Variants in DNAJC19 observed in about 807,000 individuals in gnomAD.
DNAJC19 encodes mitochondrial import inner membrane translocase subunit TIM14.
Under a neutral mutation model 19.8 loss-of-function variants are expected in DNAJC19, and 15 were observed. That is an observed-to-expected ratio of 0.76 (90% CI 0.51 to 1.17). The LOEUF (loss-of-function observed/expected upper bound fraction) is 1.17, where lower values mean the gene tolerates loss of function less well. Among genes scored for constraint, DNAJC19 ranks in the 50% most tolerant of loss-of-function variants. The pLI is 0.00. For missense variants in DNAJC19, 105 were observed against 140.9 expected, an observed-to-expected ratio of 0.75 and a Z score of 1.29; for synonymous variants, 38 against 42.1, an observed-to-expected ratio of 0.90 and a Z score of 0.38.
In DNAJC19 at chr3:180,988,071, C is replaced by T; in HGVS notation, c.81G>A (p.Lys27=). ...CTTGTTTTACTTGAGGCTCCATATG[C>T]TTCATGGCTTGCAAAACGTAACGGC... ...FAGRYVLQAM[K]HMEPQVKQVF... is the part of the protein sequence containing the mutation. The change falls in exon 3 of 6, where the codon AAG becomes AAA. Residue 27 remains lysine, a synonymous_variant. Transcript: ENST00000382564. The T allele has an allele frequency of 6.2e-7, 1 of 1,614,176 alleles. No homozygotes were observed. The highest frequency in any genetic ancestry group is 8.5e-7 in the Non-Finnish European group (1 of 1,180,026).
chr3:180,989,421 A>C (rs1577026793), intron 1 of DNAJC19, 179 bp downstream of exon 1: 1 of 1,449,738 alleles, frequency 6.9e-7, no homozygotes, highest in Non-Finnish European at 9.1e-7. Context: ...AAAAACACAA[A>C]CCCCCAAGAG....
At chr3:180,988,982 TA>T (rs1715073459) in intron 1 of DNAJC19, among the ~76,000 whole-genome samples, 1 of 146,172 alleles carries the variant, frequency 6.8e-6, no homozygotes. Context: ...CACTCCAGCC[TA>T]GGCGACCGAG....
Position 180,984,227 on chromosome 3 carries a change from A to G in DNAJC19, c.*413T>C, listed in dbSNP as rs1481684898. On this transcript the variant is annotated 3_prime_UTR_variant, in exon 6 of 6. Transcript: ENST00000382564. ...GTACCTGGAACAGCCTTTCCACCGA[A>G]TAAGAAGAGTCCCTACTTAAACAGC... The G allele has an allele frequency of 2.2e-6, 1 of 454,022 alleles. No homozygotes were observed. Among genetic ancestry groups the G allele is most frequent in the African/African-American group, 2.0e-5 (1 of 49,994 alleles). The allele number at this position is 454,022 out of a possible 1,614,324, so 28.1% of individuals were successfully genotyped here. A position where few individuals can be genotyped will look rare whatever the true frequency, so the allele number is the denominator to read the frequency against.
chr3:180,989,242 T>C (rs1192890812), intron 1 of DNAJC19: 10 of 1,079,568 alleles, frequency 9.3e-6, no homozygotes, highest in Non-Finnish European at 1.2e-5. Flanking sequence ...CATAGCAAAG[T>C]GGAGCTAGTG....
chr3:180,986,910 G>T, intron 4 of DNAJC19, 33 bp downstream of exon 4: 3 of 1,574,824 alleles, frequency 1.9e-6, no homozygotes, highest in Non-Finnish European at 2.6e-6. Context: ...TACAGTGGTA[G>T]AAAAATGCTA....
At position 180,988,093 on chromosome 3, in the gene DNAJC19, C is replaced by T. The variant is rs756192515; in HGVS notation, c.59G>A (p.Arg20His). 4.4e-5 allele frequency: 71 copies of T among 1,614,008 alleles called. No individual in the cohort carries two copies. The highest frequency in any genetic ancestry group is 3.3e-4 in the South Asian group (30 of 91,088). Residue 20 changes from arginine (R) to histidine (H), a missense_variant, in exon 3 of 6, where the codon CGT becomes CAT. Arg to His is a conservative substitution (Grantham distance 29). Transcript: ENST00000382564. ...LTIAAAGFAGRYVLQAMKHME... is the reference protein window; with the variant it reads ...LTIAAAGFAGHYVLQAMKHME... ...ATGCTTCATGGCTTGCAAAACGTAA[C>T]GGCCTAAAACCAAAAGCAACAGAAT...
At chr3:180,988,595 G>C (rs1376997154) in intron 1 of DNAJC19, among the ~76,000 whole-genome samples, 2 of 152,054 alleles carry the variant, frequency 1.3e-5, no homozygotes, top group East Asian at 3.9e-4. Flanking sequence ...ATATGGGAAA[G>C]AGGGCAAGTT....
chr3:180,988,031 G>T lies in DNAJC19; in HGVS notation c.121C>A (p.Pro41Thr). The stretch of plus-strand genomic sequence containing the variant: ...AATTAACAAAGTCTTACAGATTTTG[G>T]TAGGCTTTGAAAAACTTGTTTTACT... ...PQVKQVFQSL[P>T]KSAFSGGYYR... is the part of the protein sequence containing the mutation. Residue 41 changes from proline (P) to threonine (T), a missense_variant, in exon 3 of 6, where the codon CCA (proline) becomes ACA (threonine). Transcript: ENST00000382564. 1 of 1,614,110 alleles carries T rather than the reference G, an allele frequency of 6.2e-7. No homozygotes were observed. Among genetic ancestry groups the T allele is most frequent in the Non-Finnish European group, 8.5e-7 (1 of 1,180,016 alleles).
intron 3 of DNAJC19, chr3:180,987,396 C>A: frequency 3.4e-6 from 1 of 291,218 alleles, no homozygotes; most frequent in Non-Finnish European, 6.5e-6. Context: ...ACAAGAGGTT[C>A]AAGTGTATTT....
Position 180,985,610 on chromosome 3 carries a change from C to A in DNAJC19, c.280+316G>T, listed in dbSNP as rs536630369. 2.1e-5 allele frequency: 6 copies of A among 288,050 alleles called. No homozygotes were observed. The South Asian group carries it at 2.2e-4, about 11-fold the overall frequency. 17.8% of individuals were successfully genotyped at this position (288,050 alleles called of 1,614,324 possible). ...CATAAGTTTCTATCTAGGTAATCTCCGTTTCAAGGTATCTAAAATGGATAA... is the reference window on the plus strand; with the variant it reads ...CATAAGTTTCTATCTAGGTAATCTCAGTTTCAAGGTATCTAAAATGGATAA... On this transcript the variant is annotated intron_variant, in intron 5 of 5. Coordinates refer to ENST00000382564, the MANE Select transcript of DNAJC19 (RefSeq NM_145261.4).
chr3:180,989,473 A>G, intron 1 of DNAJC19, 127 bp downstream of exon 1: 1 of 1,535,514 alleles, frequency 6.5e-7, no homozygotes, highest in South Asian at 1.2e-5. Context: ...GTGACTCCCC[A>G]ATAACCGAAA....
intron 5 of DNAJC19, among the ~76,000 whole-genome samples, chr3:180,985,043 G>C (rs1714828533): frequency 6.6e-6 from 1 of 152,018 alleles, no homozygotes; most frequent in Non-Finnish European, 1.5e-5. Flanking sequence ...GCCTATTCAT[G>C]ATTACAGGTC....
intron 1 of DNAJC19, among the ~76,000 whole-genome samples, chr3:180,989,017 A>G (rs1205457833): frequency 1.3e-5 from 2 of 152,004 alleles, no homozygotes; most frequent in Admixed American, 1.3e-4. Context: ...CAAAAAAAAA[A>G]AAAAAAATGT....
chr3:180,984,039 A>G lies in DNAJC19; in HGVS notation c.*601T>C, dbSNP rs1410175876. 5 of 453,910 alleles carry G rather than the reference A, an allele frequency of 1.1e-5. No individual in the cohort carries two copies. The highest frequency in any genetic ancestry group is 4.7e-5 in the Admixed American group (2 of 42,532). The allele number at this position is 453,910 out of a possible 1,614,324, so 28.1% of individuals were successfully genotyped here. A position where few individuals can be genotyped will look rare whatever the true frequency, so the allele number is the denominator to read the frequency against. ...GATTGTACCAGACCTGTACTCTGAA[A>G]TCTTTATCATACTATTTTTAATGCA... On this transcript the variant is annotated 3_prime_UTR_variant, in exon 6 of 6. Coordinates refer to ENST00000382564, the MANE Select transcript of DNAJC19 (RefSeq NM_145261.4).
intron 3 of DNAJC19, 25 bp downstream of exon 3, chr3:180,987,995 AAGC>A: frequency 6.2e-7 from 1 of 1,613,396 alleles, no homozygotes; most frequent in South Asian, 1.1e-5. Flanking sequence ...TTTCAAATAG[AAGC>A]AGCAAAGAAT....
intron 3 of DNAJC19, chr3:180,987,500 ACT>A (rs761047940): frequency 8.0e-6 from 2 of 248,584 alleles, no homozygotes; most frequent in Non-Finnish European, 1.6e-5. Flanking sequence ...GCCTACAATC[ACT>A]CTATTCTGTT....
chr3:180,988,563 C>T (rs1181199500), intron 1 of DNAJC19, among the ~76,000 whole-genome samples: 9 of 151,960 alleles, frequency 5.9e-5, no homozygotes, highest in African/African-American at 2.2e-4. Flanking sequence ...ATGCTGAATG[C>T]ATTAAAGTTA....
intron 2 of DNAJC19, 30 bp from the exon 3 acceptor site, chr3:180,988,126 C>T: frequency 6.2e-7 from 1 of 1,614,122 alleles, no homozygotes; most frequent in Non-Finnish European, 8.5e-7. Context: ...AATAAGTAAA[C>T]TAAATCTCCA....
intron 1 of DNAJC19, 130 bp from the exon 2 acceptor site, chr3:180,988,359 T>TC: frequency 3.0e-6 from 3 of 1,009,148 alleles, no homozygotes; most frequent in Non-Finnish European, 4.3e-6. Flanking sequence ...TTTTCTTTTT[T>TC]TTTTTTTTTT....
Sources: gnomAD v4.1 joint callset for allele counts (sites outside exome capture counted in the v4.1 genomes callset) on GRCh38, gnomAD v4.1.1 for gene constraint, MANE v1.5 for transcripts, NCBI Gene and HGNC (gene_info 2026-07-23, HGNC 2026-07-21) for gene names.